The following SUMF1 variants were observed in gnomAD, a reference collection of about 807,000 sequenced individuals.
SUMF1 encodes formylglycine-generating enzyme.
SUMF1 carries 48 observed loss-of-function variants against 47.6 expected under a neutral mutation model. That is an observed-to-expected ratio of 1.01 (90% CI 0.80 to 1.28). SUMF1 has a LOEUF of 1.28. SUMF1 is among the 50% of genes most tolerant of loss of function. The pLI is 0.00. For synonymous variants in SUMF1, 230 were observed against 192.1 expected (o/e 1.20, Z -1.63); for missense variants, 571 against 485.4 (o/e 1.18, Z -1.66).
At chr3:4,381,312 C>A (rs889080093) in intron 7 of SUMF1, among the ~76,000 whole-genome samples, 5 of 152,096 alleles carry the variant, frequency 3.3e-5, no homozygotes, top group African/African-American at 1.2e-4. Flanking sequence ...ATAAGAATGA[C>A]ACAATGGACT....
At chr3:4,316,138 T>C in intron 8 of SUMF1, 2 of 613,130 alleles carry the variant, frequency 3.3e-6, no homozygotes, top group Non-Finnish European at 5.9e-6. Flanking sequence ...GGTCATGTTA[T>C]ACACCATTTT....
At chr3:4,238,757 G>A (rs1478146142) in intron 8 of SUMF1, among the ~76,000 whole-genome samples, 1 of 152,128 alleles carries the variant, frequency 6.6e-6, no homozygotes, top group Admixed American at 6.5e-5. Context: ...TTCTTTTGCT[G>A]TGCAGAAGCT....
intron 7 of SUMF1, among the ~76,000 whole-genome samples, chr3:4,403,021 C>T (rs1429228930): frequency 2.0e-5 from 3 of 152,144 alleles, no homozygotes; most frequent in Non-Finnish European, 2.9e-5. Flanking sequence ...TAACAGTAGG[C>T]GTGCCTGTAG....
intron 3 of SUMF1, among the ~76,000 whole-genome samples, chr3:4,447,849 AC>A (rs1702834062): frequency 6.6e-6 from 1 of 152,138 alleles, no homozygotes; most frequent in Admixed American, 6.6e-5. Context: ...CCTAGCAATG[AC>A]CCACCTCTGT....
At chr3:4,458,658 ATCCT>A (rs2079729590) in intron 1 of SUMF1, among the ~76,000 whole-genome samples, 1 of 152,218 alleles carries the variant, frequency 6.6e-6, no homozygotes, top group Non-Finnish European at 1.5e-5. Context: ...GATCAAGACC[ATCCT>A]GGCTAACACG....
chr3:4,415,594 C>T (rs1701686954), intron 6 of SUMF1, among the ~76,000 whole-genome samples: 1 of 152,104 alleles, frequency 6.6e-6, no homozygotes, highest in South Asian at 2.1e-4. Context: ...GGGAGGATCG[C>T]CTGAAGTCAG....
intron 2 of SUMF1, among the ~76,000 whole-genome samples, chr3:4,452,495 C>A (rs1205729013): frequency 6.6e-6 from 1 of 152,256 alleles, no homozygotes; most frequent in Middle Eastern, 3.2e-3. Context: ...AGTGGTCTTA[C>A]TTTACATGCC....
chr3:4,080,707 A>G (rs1692541392), intron 8 of SUMF1, among the ~76,000 whole-genome samples: 1 of 152,164 alleles, frequency 6.6e-6, no homozygotes, highest in Non-Finnish European at 1.5e-5. Flanking sequence ...AAAGAATACA[A>G]TATAAAACAC....
intron 1 of SUMF1, among the ~76,000 whole-genome samples, chr3:4,466,768 C>G (rs1287190751): frequency 3.3e-5 from 5 of 152,150 alleles, no homozygotes; most frequent in African/African-American, 7.2e-5. Context: ...TAACAATAAC[C>G]CTCAAACCAA....
At chr3:4,071,983 T>G (rs544078487) in intron 8 of SUMF1, among the ~76,000 whole-genome samples, 3 of 152,164 alleles carry the variant, frequency 2.0e-5, no homozygotes, top group Admixed American at 2.0e-4. Context: ...CCCTGACCCC[T>G]GTGTACCTGA....
intron 8 of SUMF1, among the ~76,000 whole-genome samples, chr3:4,116,484 T>C (rs58153388): frequency 0.01 from 1,562 of 152,290 alleles, 30 homozygotes; most frequent in African/African-American, 0.036. Context: ...CTTTTGGTTT[T>C]ATCTTCCCAT....
chr3:4,405,765 A>T (rs563944743), intron 7 of SUMF1, among the ~76,000 whole-genome samples: 158 of 152,334 alleles, frequency 1.0e-3, no homozygotes, highest in South Asian at 1.2e-3. Flanking sequence ...GAGCTATACA[A>T]TCTATTAGAC....
chr3:4,413,243 C>A (rs1559283305), intron 6 of SUMF1, among the ~76,000 whole-genome samples: 1 of 152,048 alleles, frequency 6.6e-6, no homozygotes, highest in Non-Finnish European at 1.5e-5. Context: ...TAGGCTCAAA[C>A]AAACCTCTTG....
At chr3:4,085,722 G>A (rs942344313) in intron 8 of SUMF1, among the ~76,000 whole-genome samples, 1 of 151,854 alleles carries the variant, frequency 6.6e-6, no homozygotes, top group African/African-American at 2.4e-5. Flanking sequence ...AGTATTTTTT[G>A]TTCTACTTTG....
chr3:4,374,931 G>C (rs1196178792), intron 8 of SUMF1, among the ~76,000 whole-genome samples: 1 of 151,980 alleles, frequency 6.6e-6, no homozygotes, highest in African/African-American at 2.4e-5. Flanking sequence ...GGAAGCAAAG[G>C]CAGGAAGAAT....
intron 8 of SUMF1, among the ~76,000 whole-genome samples, chr3:4,221,038 C>T (rs1202690710): frequency 6.6e-6 from 1 of 152,124 alleles, no homozygotes; most frequent in Non-Finnish European, 1.5e-5. Flanking sequence ...TAATCAGGTC[C>T]AGTGCAACTA....
At chr3:4,448,352 C>T (rs1212730953) in intron 3 of SUMF1, among the ~76,000 whole-genome samples, 1 of 152,148 alleles carries the variant, frequency 6.6e-6, no homozygotes, top group Non-Finnish European at 1.5e-5. Flanking sequence ...AGATGAAGCG[C>T]AGACAGGAGC....
chr3:4,145,226 A>T (rs544049192), intron 8 of SUMF1, among the ~76,000 whole-genome samples: 8 of 150,196 alleles, frequency 5.3e-5, no homozygotes, highest in African/African-American at 1.9e-4. Context: ...CATCTCCTAC[A>T]GTCATGCATG....
intron 8 of SUMF1, among the ~76,000 whole-genome samples, chr3:4,155,713 C>A (rs965746498): frequency 6.6e-6 from 1 of 151,382 alleles, no homozygotes; most frequent in Non-Finnish European, 1.5e-5. Flanking sequence ...GCTTAAGCAG[C>A]CAGAATCAGC....
Sources: allele counts gnomAD v4.1 joint callset (sites outside exome capture counted in the v4.1 genomes callset), GRCh38; gene constraint gnomAD v4.1.1; transcripts MANE v1.5; gene names NCBI Gene and HGNC (gene_info 2026-07-23, HGNC 2026-07-21).